FAM47E: variants seen among roughly 807,000 people sequenced by gnomAD.
FAM47E encodes the protein family with sequence similarity 47 member E, also known as protein FAM47E.
A neutral mutation model predicts 41.6 loss-of-function variants in FAM47E; 32 were observed. That is an observed-to-expected ratio of 0.77 (90% CI 0.58 to 1.03). The LOEUF is 1.03. FAM47E is among the 50% of genes least tolerant of loss of function. The pLI is 0.00. For missense variants in FAM47E, 424 were observed against 485.4 expected, an observed-to-expected ratio of 0.87 and a Z score of 1.19; for synonymous variants, 184 against 188.7, an observed-to-expected ratio of 0.98 and a Z score of 0.20.
At chr4:76,272,469 C>T (rs1480413120) in intron 5 of FAM47E, among the ~76,000 whole-genome samples, 2 of 152,216 alleles carry the variant, frequency 1.3e-5, no homozygotes, top group Non-Finnish European at 2.9e-5. Flanking sequence ...GCCTTTTACA[C>T]ATAATCTTTG....
chr4:76,246,658 C>T (rs1733833781), intron 2 of FAM47E, among the ~76,000 whole-genome samples: 1 of 152,098 alleles, frequency 6.6e-6, no homozygotes. Flanking sequence ...AGATTTGCAT[C>T]TTCCTAGCAG....
chr4:76,263,708 T>C lies in FAM47E; in HGVS notation c.425T>C (p.Leu142Ser). ...AAGACTATTTTCTGTTTGTAGCTCT[T>C]ATCAAAGGTGCTGGAAGTGCTTGAT... ...NLEEAMPIEL[L>S]SKVLEVLDPD... is the part of the protein sequence containing the mutation. Residue 142 changes from leucine (L) to serine (S), a missense_variant, in exon 3 of 8, where the codon TTA becomes TCA. Physicochemically the swap from Leu to Ser is moderately radical, Grantham distance 145. Coordinates refer to ENST00000424749, the MANE Select transcript of FAM47E (RefSeq NM_001136570.3). 6.4e-7 allele frequency: 1 copy of C among 1,551,302 alleles called. No individual in the cohort carries two copies. Among genetic ancestry groups the C allele is most frequent in the Non-Finnish European group, 8.7e-7 (1 of 1,146,748 alleles).
At chr4:76,218,580 T>G (rs1217198334) in intron 2 of FAM47E, among the ~76,000 whole-genome samples, 1 of 152,198 alleles carries the variant, frequency 6.6e-6, no homozygotes, top group Non-Finnish European at 1.5e-5. Flanking sequence ...TTCCAGTTTG[T>G]TTTGGTTTGG....
intron 2 of FAM47E, among the ~76,000 whole-genome samples, chr4:76,230,953 C>CT (rs1304416968): frequency 6.6e-6 from 1 of 152,202 alleles, no homozygotes; most frequent in Non-Finnish European, 1.5e-5. Context: ...CTTTTAACCT[C>CT]TGTTGTTGTC....
At chr4:76,278,299 C>G (rs1486527757) in intron 6 of FAM47E, 75 bp downstream of exon 6, 5 of 1,392,068 alleles carry the variant, frequency 3.6e-6, no homozygotes, top group Non-Finnish European at 4.7e-6. Flanking sequence ...CCTACTGAAC[C>G]AGACTCTGCG....
chr4:76,274,698 G>A (rs961820836), intron 5 of FAM47E, among the ~76,000 whole-genome samples: 5 of 152,166 alleles, frequency 3.3e-5, no homozygotes, highest in African/African-American at 9.7e-5. Flanking sequence ...AGGTTTTCCA[G>A]GAGGAAGAAG....
chr4:76,220,057 TC>T, intron 2 of FAM47E, among the ~76,000 whole-genome samples: 1 of 152,204 alleles, frequency 6.6e-6, no homozygotes, highest in East Asian at 1.9e-4. Context: ...CAGAACTGTT[TC>T]CTCCATTTTG....
chr4:76,259,339 G>A (rs1734310594), intron 2 of FAM47E, among the ~76,000 whole-genome samples: 2 of 152,166 alleles, frequency 1.3e-5, no homozygotes, highest in African/African-American at 4.8e-5. Flanking sequence ...TTAAAGATTT[G>A]ACTGTCAAGA....
At chr4:76,239,087 G>A (rs999208290) in intron 2 of FAM47E, among the ~76,000 whole-genome samples, 2 of 152,244 alleles carry the variant, frequency 1.3e-5, no homozygotes, top group Non-Finnish European at 2.9e-5. Flanking sequence ...ATTTAAGGCT[G>A]AATAATATGC....
chr4:76,278,133 G>A lies in FAM47E; in HGVS notation c.935G>A (p.Trp312Ter). 6.4e-7 allele frequency: 1 copy of A among 1,550,896 alleles called. No homozygotes were observed. The highest frequency in any genetic ancestry group is 8.7e-7 in the Non-Finnish European group (1 of 1,146,772). The change falls in exon 6 of 8, where the codon TGG becomes TAG. Residue 312 changes from tryptophan to a stop codon, truncating the protein, a stop_gained. Transcript: ENST00000424749. LOFTEE classifies it high-confidence loss of function. ...YGAWYLNPKLWKKQRVDEPLV... is the reference protein window; with the variant it reads ...YGAWYLNPKL ...GCATGGTATTTGAACCCCAAGTTGT[G>A]GAAAAAGCAAAGAGTAGACGAGCCT...
intron 1 of FAM47E, 114 bp downstream of exon 1, chr4:76,251,934 T>C (rs964862212): frequency 1.4e-5 from 18 of 1,262,320 alleles, no homozygotes; most frequent in Admixed American, 4.0e-5. Flanking sequence ...CTGCCTTCCC[T>C]CCTCAATGCT....
At chr4:76,260,620 A>T (rs1380150428) in intron 2 of FAM47E, among the ~76,000 whole-genome samples, 1 of 152,210 alleles carries the variant, frequency 6.6e-6, no homozygotes, top group Non-Finnish European at 1.5e-5. Flanking sequence ...TCTAGAAGAA[A>T]ACCTACAAAA....
chr4:76,267,690 A>G (rs1291676494), intron 3 of FAM47E: 6 of 152,354 alleles, frequency 3.9e-5, no homozygotes, highest in Admixed American at 3.3e-4. Flanking sequence ...TATGTAGACC[A>G]TGGAGTATTG....
intron 3 of FAM47E, 124 bp downstream of exon 3, chr4:76,263,967 GGAA>G (rs1734524613): frequency 7.1e-7 from 1 of 1,401,158 alleles, no homozygotes; most frequent in Non-Finnish European, 9.5e-7. Context: ...AAGTTCCCAA[GGAA>G]GAGGGAAAGG....
At chr4:76,230,142 C>T (rs558877634) in intron 2 of FAM47E, among the ~76,000 whole-genome samples, 16 of 152,172 alleles carry the variant, frequency 1.1e-4, no homozygotes, top group Non-Finnish European at 2.2e-4. Context: ...TAGAGAAAAA[C>T]CATGAGGTGG....
At chr4:76,228,962 A>G (rs1004180181) in intron 2 of FAM47E, among the ~76,000 whole-genome samples, 1 of 152,170 alleles carries the variant, frequency 6.6e-6, no homozygotes, top group Non-Finnish European at 1.5e-5. Flanking sequence ...CTTCCACAGG[A>G]ACACCAATTA....
chr4:76,276,729 G>C (rs13123108), intron 5 of FAM47E, among the ~76,000 whole-genome samples: 51,695 of 152,114 alleles, frequency 0.34, 9,847 homozygotes, highest in Non-Finnish European at 0.41. Context: ...CCATGTGTGT[G>C]TCTTGGGGAA....
intron 2 of FAM47E, among the ~76,000 whole-genome samples, chr4:76,241,828 A>T (rs1733718456): frequency 1.3e-5 from 2 of 152,202 alleles, no homozygotes; most frequent in African/African-American, 4.8e-5. Flanking sequence ...CACATTAAAT[A>T]TCTACTCATC....
At chr4:76,258,055 A>G (rs1734261726) in intron 2 of FAM47E, among the ~76,000 whole-genome samples, 1 of 152,182 alleles carries the variant, frequency 6.6e-6, no homozygotes, top group South Asian at 2.1e-4. Context: ...TTCTGAGTCC[A>G]TGACAAAGAG....
Sources: gnomAD v4.1 joint callset for allele counts (sites outside exome capture counted in the v4.1 genomes callset) on GRCh38, gnomAD v4.1.1 for gene constraint, MANE v1.5 for transcripts, NCBI Gene and HGNC (gene_info 2026-07-23, HGNC 2026-07-21) for gene names.